RERE: variants seen among roughly 807,000 people sequenced by gnomAD.
RERE encodes arginine-glutamic acid dipeptide repeats, also known as arginine-glutamic acid dipeptide repeats protein.
A neutral mutation model predicts 146.1 loss-of-function variants in RERE; 40 were observed. The ratio of observed to expected loss-of-function variants is 0.27; its 90% CI spans 0.21 to 0.36. The LOEUF (loss-of-function observed/expected upper bound fraction) is 0.36. RERE is among the 10% of genes least tolerant of loss of function. RERE has a pLI of 1.00. For synonymous variants in RERE, 1,003 were observed against 866.0 expected, an observed-to-expected ratio of 1.16 and a Z score of -2.78; for missense variants, 1,933 against 2,138.7, an observed-to-expected ratio of 0.90 and a Z score of 1.90.
At chr1:8,708,701 T>C (rs773804505) in intron 1 of RERE, among the ~76,000 whole-genome samples, 4 of 152,092 alleles carry the variant, frequency 2.6e-5, no homozygotes, top group Non-Finnish European at 5.9e-5. Context: ...CCATAGAAGA[T>C]GTGACTTGCT....
chr1:8,432,917 A>T (rs1180375989), intron 11 of RERE, among the ~76,000 whole-genome samples: 1 of 152,234 alleles, frequency 6.6e-6, no homozygotes, highest in Non-Finnish European at 1.5e-5. Context: ...ATATCTATTC[A>T]TCTCAGAGGA....
At chr1:8,730,966 T>A (rs981109562) in intron 1 of RERE, among the ~76,000 whole-genome samples, 4 of 152,086 alleles carry the variant, frequency 2.6e-5, no homozygotes, top group Non-Finnish European at 5.9e-5. Flanking sequence ...CTAAACAAAC[T>A]GAAATCAATG....
At chr1:8,792,096 GA>G (rs796978270) in intron 1 of RERE, among the ~76,000 whole-genome samples, 41 of 139,936 alleles carry the variant, frequency 2.9e-4, no homozygotes, top group Admixed American at 2.1e-4. Flanking sequence ...TCAAAAGAAG[GA>G]AAAAAAAAAA....
At chr1:8,666,998 T>C (rs921588065) in intron 1 of RERE, among the ~76,000 whole-genome samples, 4 of 152,204 alleles carry the variant, frequency 2.6e-5, no homozygotes, top group Non-Finnish European at 5.9e-5. Flanking sequence ...CAGGTCAAAT[T>C]CAAAGAGCAG....
chr1:8,391,637 CCT>C (rs1027630160), intron 12 of RERE, among the ~76,000 whole-genome samples: 17 of 152,138 alleles, frequency 1.1e-4, no homozygotes, highest in Admixed American at 1.0e-3. Context: ...GTTAGGTCCC[CCT>C]GTTATGATTT....
chr1:8,731,480 G>C (rs913910701), intron 1 of RERE, among the ~76,000 whole-genome samples: 4 of 151,978 alleles, frequency 2.6e-5, no homozygotes, highest in African/African-American at 9.7e-5. Context: ...TAAACTCTTC[G>C]GAAGATCACA....
Position 8,703,504 on chromosome 1 carries a change from C to T in RERE, c.-144-47063G>A, listed in dbSNP as rs567735171. Among the ~76,000 whole-genome samples the T allele has an allele frequency of 1.0e-3, 152 of 152,050 alleles. 1 individual carries two copies. Among genetic ancestry groups the T allele is most frequent in the Admixed American group, 1.6e-3 (24 of 15,294 alleles). ...CCGCTCCGCGCGCACCCCTGCTGGC[C>T]GCCGCCGCGGGCGCGCGCACACACA... On this transcript the variant is annotated intron_variant, in intron 1 of 22. Coordinates refer to ENST00000400908, the MANE Select transcript of RERE (RefSeq NM_001042681.2).
intron 1 of RERE, among the ~76,000 whole-genome samples, chr1:8,679,989 T>G (rs778114822): frequency 1.5e-4 from 23 of 152,136 alleles, no homozygotes; most frequent in Non-Finnish European, 2.8e-4. Context: ...ACTACACACG[T>G]TTTTCCATAA....
chr1:8,740,758 G>A (rs146433155), intron 1 of RERE, among the ~76,000 whole-genome samples: 12 of 152,126 alleles, frequency 7.9e-5, no homozygotes, highest in Middle Eastern at 3.4e-3. Flanking sequence ...CTCTTGCACC[G>A]CCACATGTTG....
chr1:8,393,133 C>G (rs984660361), intron 12 of RERE, among the ~76,000 whole-genome samples: 7 of 152,174 alleles, frequency 4.6e-5, no homozygotes, highest in Non-Finnish European at 8.8e-5. Flanking sequence ...CCCAAAGACT[C>G]AACCTACCAA....
chr1:8,697,281 AAG>A (rs1639352148), intron 1 of RERE, among the ~76,000 whole-genome samples: 1 of 152,242 alleles, frequency 6.6e-6, no homozygotes, highest in African/African-American at 2.4e-5. Context: ...CAAAAACAAA[AAG>A]AAAAAATTGT....
At chr1:8,584,347 C>T (rs1368019468) in intron 4 of RERE, among the ~76,000 whole-genome samples, 2 of 151,990 alleles carry the variant, frequency 1.3e-5, no homozygotes, top group African/African-American at 4.8e-5. Context: ...GAGTTCGAGA[C>T]CAGCCTTGGC....
intron 12 of RERE, among the ~76,000 whole-genome samples, chr1:8,409,001 T>C (rs1643537363): frequency 6.6e-6 from 1 of 152,216 alleles, no homozygotes; most frequent in Non-Finnish European, 1.5e-5. Context: ...GAATTTCTTC[T>C]ACATTTATTC....
intron 4 of RERE, among the ~76,000 whole-genome samples, chr1:8,581,410 A>AT (rs1425557279): frequency 6.6e-6 from 1 of 152,198 alleles, no homozygotes; most frequent in Non-Finnish European, 1.5e-5. Flanking sequence ...TGAGTGACAA[A>AT]TATTTTCTTA....
In RERE at chr1:8,817,600, T is replaced by A. The variant is rs551230083; in HGVS notation, c.-585A>T. The A allele has an allele frequency of 6.6e-6, 1 of 150,742 alleles. No homozygotes were observed. The highest frequency in any genetic ancestry group is 2.1e-4 in the South Asian group (1 of 4,792). The allele number at this position is 150,742 out of a possible 1,614,324, so 9.3% of individuals were successfully genotyped here. A position where few individuals can be genotyped will look rare whatever the true frequency, so the allele number is the denominator to read the frequency against. ...GAGCGTCTCGGGGTGTGCGGGAGGC[T>A]GAGGAGGCTCCGGAGCGCGGAGGGT... On this transcript the variant is annotated 5_prime_UTR_variant, in exon 1 of 23. Coordinates refer to ENST00000400908, the MANE Select transcript of RERE (RefSeq NM_001042681.2).
At chr1:8,660,182 T>C (rs891691114) in intron 1 of RERE, among the ~76,000 whole-genome samples, 11 of 152,180 alleles carry the variant, frequency 7.2e-5, no homozygotes, top group African/African-American at 2.4e-4. Flanking sequence ...ACCATTTACA[T>C]TTGGCTCTAA....
At chr1:8,675,859 A>T (rs770015244) in intron 1 of RERE, among the ~76,000 whole-genome samples, 1 of 152,108 alleles carries the variant, frequency 6.6e-6, no homozygotes, top group Non-Finnish European at 1.5e-5. Flanking sequence ...CAGATTTTGG[A>T]ATACTTGTAT....
intron 1 of RERE, among the ~76,000 whole-genome samples, chr1:8,790,534 G>C (rs1641345183): frequency 6.6e-6 from 1 of 152,148 alleles, no homozygotes; most frequent in South Asian, 2.1e-4. Context: ...TATTTTTACA[G>C]TTTTTCAAAT....
chr1:8,815,843 A>G (rs11589035), intron 1 of RERE, among the ~76,000 whole-genome samples: 33,379 of 143,610 alleles, frequency 0.23, 3,934 homozygotes, highest in Middle Eastern at 0.27. Context: ...GTGTGTGTGT[A>G]TGTGTGTGTG....
Sources: gnomAD v4.1 joint callset for allele counts (sites outside exome capture counted in the v4.1 genomes callset) on GRCh38, gnomAD v4.1.1 for gene constraint, MANE v1.5 for transcripts, NCBI Gene and HGNC (gene_info 2026-07-23, HGNC 2026-07-21) for gene names.